The following LARP4B variants were observed in gnomAD, a reference collection of about 807,000 sequenced individuals.
The protein encoded by LARP4B is La ribonucleoprotein 4B.
In LARP4B, 12 loss-of-function variants were observed where a neutral mutation model predicts 89.8. The observed-to-expected ratio is 0.13, with a 90% CI of 0.09 to 0.22. LARP4B has a LOEUF of 0.22. Among genes scored for constraint, LARP4B ranks in the 10% least tolerant of loss-of-function variants. LARP4B has a pLI of 1.00. For synonymous variants in LARP4B, 367 were observed against 363.3 expected (o/e 1.01, Z -0.12); for missense variants, 757 against 947.7 (o/e 0.80, Z 2.64).
chr10:900,917 C>T (rs1420238268), intron 1 of LARP4B, among the ~76,000 whole-genome samples: 4 of 113,228 alleles, frequency 3.5e-5, no homozygotes, highest in Admixed American at 9.0e-5. Flanking sequence ...AGCGCCTGGC[C>T]TCTTTTTTTT....
At chr10:968,738 G>A in the LARP4B span, among the ~76,000 whole-genome samples, 3 of 152,364 alleles carry the variant, frequency 2.0e-5, no homozygotes, top group Middle Eastern at 6.8e-3. Context: ...GCAACATCGG[G>A]AGGAAATGCC....
chr10:830,919 G>T lies in LARP4B; in HGVS notation c.809C>A (p.Ala270Glu), dbSNP rs1454681698. Residue 270 changes from alanine to glutamate, a missense_variant, in exon 9 of 18, where the codon GCA becomes GAA. Around this residue, in one of 5 missense-constraint regions of LARP4B, gnomAD observed 137 missense variants for 213.9 expected, o/e 0.64. Coordinates refer to ENST00000316157, the MANE Select transcript of LARP4B (RefSeq NM_015155.3). Reference sequence around the variant, plus strand: ...TGTAATAAACCAATTATCATTATATGCAAATTCACAGTTTATAAATTTTGG... The same window carrying T: ...TGTAATAAACCAATTATCATTATATTCAAATTCACAGTTTATAAATTTTGG... ...NLPKFINCEF[A>E]YNDNWFITFE... 7.0e-6 allele frequency: 10 copies of T among 1,432,052 alleles called. No homozygotes were observed. Among genetic ancestry groups the T allele is most frequent in the Non-Finnish European group, 9.8e-6 (10 of 1,019,472 alleles). 88.7% of individuals were successfully genotyped at this position (1,432,052 alleles called of 1,614,324 possible). A position where few individuals can be genotyped will look rare whatever the true frequency, so the allele number is the denominator to read the frequency against.
At chr10:865,837 C>T (rs1335782335) in intron 3 of LARP4B, among the ~76,000 whole-genome samples, 2 of 152,222 alleles carry the variant, frequency 1.3e-5, no homozygotes, top group African/African-American at 4.8e-5. Context: ...GAGGAAGGGA[C>T]AGGTCCCTGG....
At chr10:900,701 C>T (rs1489388153) in intron 1 of LARP4B, among the ~76,000 whole-genome samples, 2 of 148,308 alleles carry the variant, frequency 1.3e-5, no homozygotes, top group Non-Finnish European at 3.0e-5. Flanking sequence ...CTCACTGTAA[C>T]CCCTGCCTCC....
chr10:860,076 C>A (rs1438590905), intron 5 of LARP4B, among the ~76,000 whole-genome samples: 1 of 128,670 alleles, frequency 7.8e-6, no homozygotes, highest in Non-Finnish European at 1.6e-5. Context: ...TACAAAGGCA[C>A]CCTCTGGTGA....
chr10:813,785 A>G (rs988979996), intron 17 of LARP4B, among the ~76,000 whole-genome samples: 1 of 151,406 alleles, frequency 6.6e-6, no homozygotes, highest in Non-Finnish European at 1.5e-5. Context: ...GAAAAGTAAA[A>G]TATTTCCCTT....
chr10:913,819 G>A (rs1836742465), intron 1 of LARP4B, among the ~76,000 whole-genome samples: 1 of 152,146 alleles, frequency 6.6e-6, no homozygotes, highest in East Asian at 1.9e-4. Context: ...TGAGGTGGGA[G>A]TATCACTTAA....
At chr10:965,922 G>A in the LARP4B span, among the ~76,000 whole-genome samples, 11 of 152,124 alleles carry the variant, frequency 7.2e-5, no homozygotes, top group Non-Finnish European at 1.6e-4. Flanking sequence ...CTGTTTAGGA[G>A]AGAGAGGCCT....
At chr10:917,444 C>A (rs145375952) in intron 1 of LARP4B, among the ~76,000 whole-genome samples, 2 of 152,264 alleles carry the variant, frequency 1.3e-5, no homozygotes, top group African/African-American at 4.8e-5. Flanking sequence ...AATTAAGACA[C>A]TGGTTATTCT....
the LARP4B span, among the ~76,000 whole-genome samples, chr10:980,698 C>G: frequency 6.6e-6 from 1 of 152,228 alleles, no homozygotes; most frequent in Non-Finnish European, 1.5e-5. Context: ...GGGCCTGACC[C>G]GTGAAACCAT....
rs1303420204 is a variant in LARP4B, at chr10:814,719, G to A, written c.1929+23C>T. 4 of 1,573,752 alleles carry A rather than the reference G, an allele frequency of 2.5e-6. No individual in the cohort carries two copies. The highest frequency in any genetic ancestry group is 3.5e-6 in the Non-Finnish European group (4 of 1,158,904). ...CCAGAGCCTCGCGGCTGTCGTGCAG[G>A]AAGGCAGGCACGAGGTACGTACCGT... On this transcript the variant is annotated intron_variant, in intron 17 of 17. Transcript: ENST00000316157. The surrounding 1 kb of genome is among the most constrained non-coding windows in gnomAD (Gnocchi z 4.4).
the LARP4B span, among the ~76,000 whole-genome samples, chr10:955,167 C>T: frequency 6.6e-6 from 1 of 152,232 alleles, no homozygotes; most frequent in Non-Finnish European, 1.5e-5. This position sits in a 1 kb window ranked among gnomAD's most constrained non-coding sequence, Gnocchi z 5.2. Flanking sequence ...TGACACTCCT[C>T]CCAACAGTAG....
chr10:963,624 G>A, the LARP4B span, among the ~76,000 whole-genome samples: 14 of 152,222 alleles, frequency 9.2e-5, no homozygotes, highest in African/African-American at 3.4e-4. Context: ...GGGAAAAGAT[G>A]CCTTCAGTGA....
chr10:979,028 T>C, the LARP4B span, among the ~76,000 whole-genome samples: 2 of 152,224 alleles, frequency 1.3e-5, no homozygotes, highest in African/African-American at 4.8e-5. Context: ...GCTCTTTTGA[T>C]GGCAATCTGG....
chr10:935,427 G>C (rs1830736826), upstream of LARP4B, among the ~76,000 whole-genome samples: 1 of 152,154 alleles, frequency 6.6e-6, no homozygotes, highest in Non-Finnish European at 1.5e-5. Context: ...TATTTTTCAA[G>C]TTACAGCCCA....
the LARP4B span, among the ~76,000 whole-genome samples, chr10:968,683 T>A: frequency 6.6e-6 from 1 of 152,220 alleles, no homozygotes; most frequent in African/African-American, 2.4e-5. Flanking sequence ...GAGCGAACAT[T>A]CCTTGAGCCA....
intron 15 of LARP4B, 150 bp from the exon 16 acceptor site, chr10:815,220 G>A: frequency 1.2e-6 from 1 of 815,870 alleles, no homozygotes; most frequent in Admixed American, 3.5e-5. Context: ...ATGTCACAGA[G>A]CCCAGGACTA....
At chr10:983,063 T>C in the LARP4B span, among the ~76,000 whole-genome samples, 1 of 152,270 alleles carries the variant, frequency 6.6e-6, no homozygotes, top group African/African-American at 2.4e-5. Flanking sequence ...TCTCTTTATG[T>C]ATTGGTCATA....
chr10:976,989 T>C, the LARP4B span, among the ~76,000 whole-genome samples: 6 of 152,264 alleles, frequency 3.9e-5, no homozygotes, highest in East Asian at 9.6e-4. Context: ...TAGTAGAACA[T>C]AGGCCTGTCA....
Sources: gnomAD v4.1 joint callset for allele counts (sites outside exome capture counted in the v4.1 genomes callset) on GRCh38, gnomAD v4.1.1 for gene constraint, gnomAD v4.1.1 regional missense constraint, Gnocchi (gnomAD v3.1) non-coding constraint, MANE v1.5 for transcripts, NCBI Gene and HGNC (gene_info 2026-07-23, HGNC 2026-07-21) for gene names.